Variants in EPHA6 observed in about 807,000 individuals in gnomAD.
EPHA6 encodes ephrin type-A receptor 6.
In EPHA6, 50 loss-of-function variants were observed where a neutral mutation model predicts 112.0. That is an observed-to-expected ratio of 0.45 (90% CI 0.36 to 0.56). The LOEUF is 0.56. Ranked by LOEUF, EPHA6 falls within the 20% of genes least tolerant of loss-of-function variation. The pLI, the probability that EPHA6 is intolerant of heterozygous loss-of-function variation, is 0.00. For synonymous variants in EPHA6, 529 were observed against 490.7 expected (o/e 1.08, Z -1.03); for missense variants, 1,280 against 1,417.4 (o/e 0.90, Z 1.56).
At chr3:97,025,788 T>C (rs1315984941) in intron 3 of EPHA6, among the ~76,000 whole-genome samples, 1 of 151,970 alleles carries the variant, frequency 6.6e-6, no homozygotes, top group Admixed American at 6.6e-5. Flanking sequence ...GGGGTTTCAC[T>C]CTGTTGACCA....
At chr3:97,205,233 A>C (rs1236488702) in intron 3 of EPHA6, among the ~76,000 whole-genome samples, 1 of 152,120 alleles carries the variant, frequency 6.6e-6, no homozygotes, top group Non-Finnish European at 1.5e-5. Context: ...AAAAATGTTG[A>C]GTATGAAATT....
chr3:97,001,531 A>G (rs1690453946), intron 3 of EPHA6, among the ~76,000 whole-genome samples: 1 of 151,986 alleles, frequency 6.6e-6, no homozygotes, highest in Admixed American at 6.6e-5. Flanking sequence ...ATGTGATACT[A>G]TCAATTGAAA....
chr3:97,674,787 T>G (rs1156426113), intron 14 of EPHA6, among the ~76,000 whole-genome samples: 3 of 152,232 alleles, frequency 2.0e-5, no homozygotes, highest in African/African-American at 7.2e-5. Flanking sequence ...ATCTCTGAAA[T>G]CACAACTTTG....
intron 11 of EPHA6, among the ~76,000 whole-genome samples, chr3:97,586,110 TC>T (rs1400615857): frequency 2.0e-5 from 3 of 152,208 alleles, no homozygotes; most frequent in Admixed American, 6.5e-5. Flanking sequence ...TTGTCACTTT[TC>T]ATTTGATCAT....
In EPHA6 at chr3:97,470,313, T is replaced by C. The variant is rs188869893; in HGVS notation, c.1895-5039T>C. Among the ~76,000 whole-genome samples, 11 of 151,872 alleles carry C rather than the reference T, an allele frequency of 7.2e-5. No individual in the cohort carries two copies. The South Asian group carries it at 1.2e-3, about 17-fold the overall frequency. ...ATTTGTGCTATGTTTAAAGAAATCA[T>C]TCTGTTGAAATGATGAAGACAATTT... On this transcript the variant is annotated intron_variant, in intron 7 of 17. Transcript: ENST00000389672.
intron 14 of EPHA6, among the ~76,000 whole-genome samples, chr3:97,645,200 A>G (rs1364438853): frequency 4.6e-5 from 7 of 151,158 alleles, no homozygotes; most frequent in African/African-American, 1.7e-4. Flanking sequence ...ATGCTGCTAT[A>G]AAGACACATG....
At chr3:97,590,496 ACT>A (rs1359453695) in intron 11 of EPHA6, among the ~76,000 whole-genome samples, 2 of 152,106 alleles carry the variant, frequency 1.3e-5, no homozygotes, top group African/African-American at 2.4e-5. Context: ...AACAGGAAAA[ACT>A]CAGATAAAAA....
chr3:97,640,648 C>T (rs1429980393), intron 14 of EPHA6, among the ~76,000 whole-genome samples: 2 of 151,442 alleles, frequency 1.3e-5, no homozygotes, highest in Non-Finnish European at 2.9e-5. Flanking sequence ...GGCGTGGTGG[C>T]GCATGCCTGT....
At chr3:97,647,788 C>G (rs2094077026) in intron 14 of EPHA6, among the ~76,000 whole-genome samples, 1 of 152,090 alleles carries the variant, frequency 6.6e-6, no homozygotes, top group Non-Finnish European at 1.5e-5. Flanking sequence ...GTTTTATAAC[C>G]AGTTCCAGAG....
intron 2 of EPHA6, among the ~76,000 whole-genome samples, chr3:96,903,864 C>A (rs2038761923): frequency 6.6e-6 from 1 of 152,090 alleles, no homozygotes. Flanking sequence ...AAATGCTCAT[C>A]ATCACTGGCC....
intron 5 of EPHA6, among the ~76,000 whole-genome samples, chr3:97,342,074 C>T (rs750119200): frequency 3.3e-5 from 5 of 152,084 alleles, no homozygotes; most frequent in South Asian, 2.1e-4. Flanking sequence ...AAGATAACTG[C>T]GGAACTGTGG....
At chr3:97,260,475 G>A (rs1051956285) in intron 5 of EPHA6, among the ~76,000 whole-genome samples, 6 of 152,292 alleles carry the variant, frequency 3.9e-5, no homozygotes, top group Middle Eastern at 3.4e-3. Context: ...AGGTCTAGTA[G>A]CAATATTATA....
rs1283294378 is a variant in EPHA6 at position 97,751,615 on chromosome 3, A to T, written c.*2914A>T. On this transcript the variant is annotated 3_prime_UTR_variant, in exon 18 of 18. Coordinates refer to ENST00000389672, the MANE Select transcript of EPHA6 (RefSeq NM_001080448.3). ...CAGGAATATAAACAGTTAAAATGCC[A>T]AATTCATCTGAAAATTTTACATGAA... 6.6e-6 allele frequency among the ~76,000 whole-genome samples: 1 copy of T among 152,170 alleles called. No homozygotes were observed. Among genetic ancestry groups the T allele is most frequent in the Non-Finnish European group, 1.5e-5 (1 of 67,978 alleles).
At chr3:97,740,981 A>G (rs1315879072) in intron 16 of EPHA6, among the ~76,000 whole-genome samples, 1 of 152,284 alleles carries the variant, frequency 6.6e-6, no homozygotes, top group East Asian at 1.9e-4. Flanking sequence ...TTGAATAATA[A>G]GCAAACTTTT....
At position 96,852,381 on chromosome 3, in the gene EPHA6, A is replaced by G. The variant is rs762167246; in HGVS notation, c.386-14444A>G. Among the ~76,000 whole-genome samples, 3 of 152,034 alleles carry G rather than the reference A, an allele frequency of 2.0e-5. No individual in the cohort carries two copies. The South Asian group carries it at 6.2e-4, about 32-fold the overall frequency. On this transcript the variant is annotated intron_variant, in intron 1 of 17. Coordinates refer to ENST00000389672, the MANE Select transcript of EPHA6 (RefSeq NM_001080448.3). ...AAGGCAGGGGTTGCAGTGAGCTGAG[A>G]TGGCACCATTGCACTCCAGCCTGGG... is the stretch of plus-strand genomic sequence containing the variant.
intron 3 of EPHA6, among the ~76,000 whole-genome samples, chr3:97,221,939 A>G (rs1041106682): frequency 1.3e-5 from 2 of 151,672 alleles, no homozygotes; most frequent in African/African-American, 4.8e-5. Context: ...CTGAGGCAGG[A>G]GAATTGCTTG....
chr3:97,296,749 T>C (rs1260060766), intron 5 of EPHA6, among the ~76,000 whole-genome samples: 1 of 152,110 alleles, frequency 6.6e-6, no homozygotes, highest in Non-Finnish European at 1.5e-5. Context: ...GCAGGTTTTA[T>C]AGGGAGCACA....
At chr3:96,930,583 A>C (rs887900164) in intron 2 of EPHA6, among the ~76,000 whole-genome samples, 11 of 152,174 alleles carry the variant, frequency 7.2e-5, no homozygotes, top group African/African-American at 2.2e-4. Flanking sequence ...TGGAAGCTCC[A>C]TCCCAGGGGA....
intron 3 of EPHA6, among the ~76,000 whole-genome samples, chr3:97,099,707 C>A (rs1227744017): frequency 1.3e-5 from 2 of 151,914 alleles, no homozygotes; most frequent in Admixed American, 1.3e-4. Context: ...GCCAAGCTCT[C>A]TCCATCTTTC....
Sources: gnomAD v4.1 joint callset for allele counts (sites outside exome capture counted in the v4.1 genomes callset) on GRCh38, gnomAD v4.1.1 for gene constraint, MANE v1.5 for transcripts, NCBI Gene and HGNC (gene_info 2026-07-23, HGNC 2026-07-21) for gene names.